SGIP1: variants seen among roughly 807,000 people sequenced by gnomAD.
The protein encoded by SGIP1 is SH3-containing GRB2-like protein 3-interacting protein 1.
SGIP1 carries 38 observed loss-of-function variants against 107.5 expected under a neutral mutation model. The ratio of observed to expected loss-of-function variants is 0.35; its 90% CI spans 0.27 to 0.46. The LOEUF (loss-of-function observed/expected upper bound fraction) is 0.46. SGIP1 is among the 20% of genes least tolerant of loss of function. The pLI, the probability that SGIP1 is intolerant of heterozygous loss-of-function variation, is 1.00. For synonymous variants in SGIP1, 365 were observed against 366.1 expected, an observed-to-expected ratio of 1.00 and a Z score of 0.03; for missense variants, 929 against 1,019.5, an observed-to-expected ratio of 0.91 and a Z score of 1.21.
intron 3 of SGIP1, among the ~76,000 whole-genome samples, chr1:66,633,771 C>G (rs2075267920): frequency 6.6e-6 from 1 of 150,854 alleles, no homozygotes. Flanking sequence ...AAATCAGATG[C>G]CTATTCAGAA....
rs2053039023 is a variant in SGIP1, at chr1:66,534,248, G to A, written c.-111G>A. The A allele has an allele frequency of 8.6e-7, 1 of 1,162,368 alleles. No homozygotes were observed. The highest frequency in any genetic ancestry group is 1.3e-5 in the South Asian group (1 of 79,590). The allele number at this position is 1,162,368 out of a possible 1,614,324, so 72.0% of individuals were successfully genotyped here. A position where few individuals can be genotyped will look rare whatever the true frequency, so the allele number is the denominator to read the frequency against. On this transcript the variant is annotated 5_prime_UTR_variant, in exon 1 of 25. Transcript: ENST00000371037. The stretch of plus-strand genomic sequence containing the variant: ...CTTATCTCCTTTGGCTTTGACAGCG[G>A]ACGGAATAGACCTCAGCAGCGGCGT...
intron 1 of SGIP1, among the ~76,000 whole-genome samples, chr1:66,555,045 A>G (rs986659619): frequency 6.6e-6 from 1 of 152,112 alleles, no homozygotes; most frequent in Non-Finnish European, 1.5e-5. Context: ...TCAGTCACCA[A>G]GTACTATCAG....
intron 1 of SGIP1, among the ~76,000 whole-genome samples, chr1:66,548,001 A>G (rs2056726699): frequency 6.6e-6 from 1 of 152,146 alleles, no homozygotes; most frequent in Non-Finnish European, 1.5e-5. Context: ...CAGCATGGCC[A>G]GAGACCAGTG....
At chr1:66,664,081 A>T (rs1391368542) in intron 8 of SGIP1, among the ~76,000 whole-genome samples, 1 of 152,160 alleles carries the variant, frequency 6.6e-6, no homozygotes, top group Admixed American at 6.5e-5. Flanking sequence ...ATTGTTTGTC[A>T]TGAAATTCCC....
chr1:66,709,743 G>A (rs187696502), intron 18 of SGIP1, among the ~76,000 whole-genome samples: 38 of 152,268 alleles, frequency 2.5e-4, no homozygotes, highest in Middle Eastern at 3.4e-3. Flanking sequence ...CAGTTTGTCA[G>A]CTGTAAAATG....
chr1:66,565,108 C>T (rs1465392334), intron 1 of SGIP1, among the ~76,000 whole-genome samples: 1 of 151,952 alleles, frequency 6.6e-6, no homozygotes, highest in African/African-American at 2.4e-5. Flanking sequence ...CTTTGTGCTA[C>T]AGTGATTCCC....
At chr1:66,620,255 A>G (rs2070635595) in intron 1 of SGIP1, among the ~76,000 whole-genome samples, 1 of 152,216 alleles carries the variant, frequency 6.6e-6, no homozygotes, top group Non-Finnish European at 1.5e-5. Context: ...CTTCAGAGAA[A>G]AACACCAGTA....
At chr1:66,710,612 C>T (rs2092849916) in intron 18 of SGIP1, among the ~76,000 whole-genome samples, 1 of 152,138 alleles carries the variant, frequency 6.6e-6, no homozygotes, top group Non-Finnish European at 1.5e-5. Flanking sequence ...CCACCCATTA[C>T]ATGAATGCAG....
chr1:66,598,231 A>G (rs1392426963), intron 1 of SGIP1, among the ~76,000 whole-genome samples: 1 of 152,182 alleles, frequency 6.6e-6, no homozygotes, highest in Non-Finnish European at 1.5e-5. Flanking sequence ...TACTCTATCC[A>G]GACTAGTATA....
chr1:66,603,665 A>AT (rs1267207325), intron 1 of SGIP1, among the ~76,000 whole-genome samples: 1 of 152,246 alleles, frequency 6.6e-6, no homozygotes, highest in South Asian at 2.1e-4. Context: ...AGAAAGCCTA[A>AT]TTTTTTTAAG....
chr1:66,661,832 T>C (rs952455232), intron 8 of SGIP1, among the ~76,000 whole-genome samples: 2 of 152,150 alleles, frequency 1.3e-5, no homozygotes, highest in Non-Finnish European at 2.9e-5. Flanking sequence ...TTTCTCCTGT[T>C]GTCCTTCACG....
At chr1:66,648,357 T>G (rs1305814113) in intron 7 of SGIP1, among the ~76,000 whole-genome samples, 1 of 151,128 alleles carries the variant, frequency 6.6e-6, no homozygotes, top group Non-Finnish European at 1.5e-5. Flanking sequence ...TAAGGCCTAG[T>G]GTGTCATTGC....
chr1:66,613,955 A>T (rs879799161), intron 1 of SGIP1, among the ~76,000 whole-genome samples: 3 of 152,204 alleles, frequency 2.0e-5, no homozygotes, highest in African/African-American at 4.8e-5. Flanking sequence ...TCTGATAGTG[A>T]TGCCAAATGC....
At chr1:66,677,242 T>TATTATCTA in intron 13 of SGIP1, 146 bp downstream of exon 13, 1 of 634,908 alleles carries the variant, frequency 1.6e-6, no homozygotes, top group Non-Finnish European at 2.6e-6. Flanking sequence ...TCTAACAGGC[T>TATTATCTA]TTCAAGTTAA....
At chr1:66,739,180 G>C (rs1416545601) in intron 21 of SGIP1, among the ~76,000 whole-genome samples, 155 bp from the exon 22 acceptor site, 1 of 151,898 alleles carries the variant, frequency 6.6e-6, no homozygotes, top group Non-Finnish European at 1.5e-5. Flanking sequence ...GTCTGTAACA[G>C]TTTACTTGAA....
chr1:66,567,770 C>T (rs2059856636), intron 1 of SGIP1, among the ~76,000 whole-genome samples: 1 of 152,096 alleles, frequency 6.6e-6, no homozygotes, highest in Non-Finnish European at 1.5e-5. Flanking sequence ...AATCCTTTCC[C>T]CATTGCTTGT....
intron 1 of SGIP1, among the ~76,000 whole-genome samples, chr1:66,547,130 G>T (rs2056547881): frequency 6.6e-6 from 1 of 152,132 alleles, no homozygotes; most frequent in African/African-American, 2.4e-5. Flanking sequence ...TATTTTGAAG[G>T]CACCAACTCA....
Position 66,748,581 on chromosome 1 carries a change from C to G in SGIP1, c.*5486C>G, listed in dbSNP as rs993344433. Among the ~76,000 whole-genome samples the G allele has an allele frequency of 6.6e-6, 1 of 151,832 alleles. No individual in the cohort carries two copies. Among genetic ancestry groups the G allele is most frequent in the Non-Finnish European group, 1.5e-5 (1 of 67,808 alleles). On this transcript the variant is annotated 3_prime_UTR_variant, in exon 25 of 25. Coordinates refer to ENST00000371037, the MANE Select transcript of SGIP1 (RefSeq NM_032291.4). ...GGTTTAACTTCTAAAATTATTTTTC[C>G]TTTGATTTCTAACTGCCTCCTTCTA...
At chr1:66,589,163 CATAT>C (rs55788345) in intron 1 of SGIP1, among the ~76,000 whole-genome samples, 355 of 69,434 alleles carry the variant, frequency 5.1e-3, no homozygotes, top group Middle Eastern at 8.9e-3. Flanking sequence ...TAAAAGTTTA[CATAT>C]ATATATATAT....
Sources: allele counts gnomAD v4.1 joint callset (sites outside exome capture counted in the v4.1 genomes callset), GRCh38; gene constraint gnomAD v4.1.1; transcripts MANE v1.5; gene names NCBI Gene and HGNC (gene_info 2026-07-23, HGNC 2026-07-21).